The following STK32B variants were observed in gnomAD, a reference collection of about 807,000 sequenced individuals.
STK32B encodes serine/threonine kinase 32B.
In STK32B, 43 loss-of-function variants were observed where a neutral mutation model predicts 52.6. The observed-to-expected ratio is 0.82, with a 90% confidence interval of 0.64 to 1.05. The LOEUF is 1.05. STK32B is among the 50% of genes least tolerant of loss of function. The probability of loss-of-function intolerance (pLI) is 0.00; values close to 1 mark genes in which losing one functional copy is unlikely to be tolerated. For synonymous variants in STK32B, 238 were observed against 204.3 expected, an observed-to-expected ratio of 1.17 and a Z score of -1.41; for missense variants, 621 against 534.6, an observed-to-expected ratio of 1.16 and a Z score of -1.59.
intron 3 of STK32B, among the ~76,000 whole-genome samples, chr4:5,176,069 C>T (rs192463561): frequency 2.2e-3 from 332 of 152,324 alleles, no homozygotes; most frequent in Non-Finnish European, 3.6e-3. Flanking sequence ...TAGCAATGAG[C>T]GAGGCTTTGT....
At chr4:5,346,124 G>A (rs935363430) in intron 4 of STK32B, among the ~76,000 whole-genome samples, 1 of 152,182 alleles carries the variant, frequency 6.6e-6, no homozygotes, top group Non-Finnish European at 1.5e-5. Context: ...AAAATTTTCT[G>A]TGTCTGTCTT....
In STK32B at chr4:5,281,863, A is replaced by G. The variant is rs1205839552; in HGVS notation, c.261-49357A>G. ...TCTTAAGTTGGATAATGGCTATACC[A>G]TTTATTTAATTACATTTACAAATCA... On this transcript the variant is annotated intron_variant, in intron 3 of 11. Transcript: ENST00000282908. Among the ~76,000 whole-genome samples, 7 of 152,260 alleles carry G rather than the reference A, an allele frequency of 4.6e-5. No homozygotes were observed. In the East Asian group the frequency reaches 1.4e-3, roughly 29 times the overall value.
intron 4 of STK32B, among the ~76,000 whole-genome samples, chr4:5,393,494 G>A (rs1736705529): frequency 6.6e-6 from 1 of 152,184 alleles, no homozygotes; most frequent in African/African-American, 2.4e-5. Flanking sequence ...GGCAGTACAG[G>A]AAGCATGGCA....
chr4:5,495,535 C>T (rs1030990195), intron 11 of STK32B, among the ~76,000 whole-genome samples: 1 of 152,186 alleles, frequency 6.6e-6, no homozygotes, highest in Admixed American at 6.5e-5. Flanking sequence ...CCTCCTGTAG[C>T]TCGCAGTAGC....
At chr4:5,077,302 T>A (rs1712141662) in intron 1 of STK32B, among the ~76,000 whole-genome samples, 1 of 152,036 alleles carries the variant, frequency 6.6e-6, no homozygotes, top group Admixed American at 6.6e-5. Flanking sequence ...CTTGTCTATC[T>A]CCTTGCTGCA....
At chr4:5,165,112 A>G (rs957946259) in intron 2 of STK32B, among the ~76,000 whole-genome samples, 1 of 152,140 alleles carries the variant, frequency 6.6e-6, no homozygotes. Flanking sequence ...CTTAGATAGC[A>G]TGAGGTCTTA....
intron 4 of STK32B, among the ~76,000 whole-genome samples, chr4:5,390,659 G>C (rs1252568439): frequency 2.6e-5 from 4 of 152,084 alleles, no homozygotes; most frequent in Admixed American, 2.6e-4. Flanking sequence ...TACAGTATCA[G>C]GACATAGGAA....
chr4:5,494,919 C>G (rs1365163891), intron 11 of STK32B, among the ~76,000 whole-genome samples: 1 of 152,200 alleles, frequency 6.6e-6, no homozygotes, highest in Non-Finnish European at 1.5e-5. Flanking sequence ...TCTCTTCTGG[C>G]TTGTAGAGTT....
rs769500569 is a variant in STK32B at position 5,499,066 on chromosome 4, C to A, written c.1228C>A (p.Arg410Ser). The A allele has an allele frequency of 3.7e-6, 6 of 1,611,216 alleles. No homozygotes were observed. In the African/African-American group the frequency reaches 5.3e-5, roughly 14 times the overall value. The stretch of plus-strand genomic sequence containing the variant: ...CAACCTCCTCACCCACACCTGCACC[C>A]GTGGCTGCAGCAGCTGAGCCCACAC... ...NNNLLTHTCT[R>S]GCSS The change falls in exon 12 of 12, where the codon CGT (arginine) becomes AGT (serine). Residue 410 changes from arginine (R) to serine (S), a missense_variant. Arg to Ser is a moderately radical substitution (Grantham distance 110). Transcript: ENST00000282908.
chr4:5,164,923 A>C (rs1464187058), intron 2 of STK32B, among the ~76,000 whole-genome samples: 2 of 152,082 alleles, frequency 1.3e-5, no homozygotes, highest in Non-Finnish European at 2.9e-5. Flanking sequence ...TGGTCAGGTT[A>C]ATTAAGCTGT....
chr4:5,152,252 A>C (rs937339687), intron 2 of STK32B, among the ~76,000 whole-genome samples: 2 of 152,366 alleles, frequency 1.3e-5, no homozygotes, highest in East Asian at 3.9e-4. Flanking sequence ...TTGTTGGTGA[A>C]GGTTGAGATT....
At chr4:5,143,736 C>G (rs2108836986) in intron 2 of STK32B, among the ~76,000 whole-genome samples, 1 of 152,308 alleles carries the variant, frequency 6.6e-6, no homozygotes, top group South Asian at 2.1e-4. Flanking sequence ...TCCCTCCAAA[C>G]TGGCCAGCAT....
intron 1 of STK32B, among the ~76,000 whole-genome samples, chr4:5,138,252 G>T (rs1716194813): frequency 6.6e-6 from 1 of 152,226 alleles, no homozygotes; most frequent in Non-Finnish European, 1.5e-5. Context: ...GCTGGATTCT[G>T]ACTTTGGCTT....
At chr4:5,078,867 A>G (rs1712241016) in intron 1 of STK32B, among the ~76,000 whole-genome samples, 1 of 152,202 alleles carries the variant, frequency 6.6e-6, no homozygotes, top group Admixed American at 6.5e-5. Flanking sequence ...GTGGAGTTAT[A>G]GTGGAATTGG....
At chr4:5,198,354 A>G (rs1428739674) in intron 3 of STK32B, among the ~76,000 whole-genome samples, 2 of 152,188 alleles carry the variant, frequency 1.3e-5, no homozygotes, top group Admixed American at 6.5e-5. Flanking sequence ...TCACCAACTA[A>G]TTTGTAATCT....
chr4:5,095,546 T>G (rs1577064900), intron 1 of STK32B, among the ~76,000 whole-genome samples: 1 of 152,124 alleles, frequency 6.6e-6, no homozygotes, highest in African/African-American at 2.4e-5. Context: ...ACCTGGAAGG[T>G]AGAGGTTGCA....
chr4:5,155,444 C>G (rs1289379366), intron 2 of STK32B, among the ~76,000 whole-genome samples: 1 of 152,194 alleles, frequency 6.6e-6, no homozygotes, highest in African/African-American at 2.4e-5. Context: ...CACACACACA[C>G]TCACATGCAC....
In STK32B at chr4:5,121,201, C is replaced by T. The variant is rs1234357491; in HGVS notation, c.53-18704C>T. Among the ~76,000 whole-genome samples the T allele has an allele frequency of 4.6e-5, 7 of 152,208 alleles. No homozygotes were observed. In the South Asian group the frequency reaches 8.3e-4, roughly 18 times the overall value. ...TATTTGGTTTTCCATTCTTGAATTA[C>T]TTCAAATAATGGCCTCCAGCTCCAT... On this transcript the variant is annotated intron_variant, in intron 1 of 11. Coordinates refer to ENST00000282908, the MANE Select transcript of STK32B (RefSeq NM_018401.3).
chr4:5,084,886 G>C (rs1463753176), intron 1 of STK32B, among the ~76,000 whole-genome samples: 1 of 152,114 alleles, frequency 6.6e-6, no homozygotes, highest in African/African-American at 2.4e-5. Flanking sequence ...ATGATAATCT[G>C]TAGGTTGAAC....
Sources: gnomAD v4.1 joint callset for allele counts (sites outside exome capture counted in the v4.1 genomes callset) on GRCh38, gnomAD v4.1.1 for gene constraint, MANE v1.5 for transcripts, NCBI Gene and HGNC (gene_info 2026-07-23, HGNC 2026-07-21) for gene names.